Variants in CD81 observed in about 807,000 individuals in gnomAD.
The protein encoded by CD81 is CD81 antigen.
In CD81, 10 loss-of-function variants were observed where a neutral mutation model predicts 30.1. The ratio of observed to expected loss-of-function variants is 0.33; its 90% CI spans 0.21 to 0.56. The LOEUF (loss-of-function observed/expected upper bound fraction) is 0.56. Among genes scored for constraint, CD81 ranks in the 20% least tolerant of loss-of-function variants. The pLI, the probability that CD81 is intolerant of heterozygous loss-of-function variation, is 0.89. For synonymous variants in CD81, 147 were observed against 126.4 expected (o/e 1.16, Z -1.10); for missense variants, 263 against 308.7 (o/e 0.85, Z 1.11).
chr11:2,395,075 G>A (rs776789802), intron 4 of CD81, 29 bp downstream of exon 4: 1 of 1,595,004 alleles, frequency 6.3e-7, no homozygotes, highest in East Asian at 2.2e-5. Flanking sequence ...GGACAGGGTG[G>A]GGTGGGTGAC....
At chr11:2,387,539 C>A (rs1401001911) in intron 1 of CD81, among the ~76,000 whole-genome samples, 1 of 152,072 alleles carries the variant, frequency 6.6e-6, no homozygotes, top group African/African-American at 2.4e-5. Flanking sequence ...TCTGGGGCCA[C>A]CCCCCAGCCC....
chr11:2,393,581 C>T (rs1312785140), intron 2 of CD81: 1 of 416,502 alleles, frequency 2.4e-6, no homozygotes, highest in Non-Finnish European at 4.4e-6. Flanking sequence ...GCCCCCCCAC[C>T]CTCTTCTCGC....
intron 1 of CD81, among the ~76,000 whole-genome samples, chr11:2,385,115 C>A (rs1259491074): frequency 6.6e-6 from 1 of 152,166 alleles, no homozygotes; most frequent in Non-Finnish European, 1.5e-5. Context: ...GCCAAGATGG[C>A]AGCCTGGGGT....
intron 5 of CD81, 107 bp from the exon 6 acceptor site, chr11:2,395,762 T>A: frequency 1.2e-6 from 1 of 828,542 alleles, no homozygotes. Context: ...GGATGCATTC[T>A]GCAGTGGGGA....
At chr11:2,381,091 G>T (rs1174405415) in intron 1 of CD81, among the ~76,000 whole-genome samples, 1 of 152,238 alleles carries the variant, frequency 6.6e-6, no homozygotes, top group Non-Finnish European at 1.5e-5. Context: ...CCTGTGCCTG[G>T]TTTCACCAAG....
chr11:2,396,224 C>T, intron 6 of CD81: 1 of 585,300 alleles, frequency 1.7e-6, no homozygotes, highest in Non-Finnish European at 3.1e-6. Flanking sequence ...ACCTGCACCC[C>T]CAGCTCCACG....
At chr11:2,389,659 G>C (rs573704017) in intron 1 of CD81, among the ~76,000 whole-genome samples, 1 of 152,252 alleles carries the variant, frequency 6.6e-6, no homozygotes, top group Non-Finnish European at 1.5e-5. Flanking sequence ...CGACAGCGCT[G>C]GGCCGGCTTC....
rs1268759524 is a variant in CD81 at position 2,377,606 on chromosome 11, C to T, written c.57C>T (p.Phe19=). 1 of 1,544,602 alleles carries T rather than the reference C, an allele frequency of 6.5e-7. No homozygotes were observed. The highest frequency in any genetic ancestry group is 8.7e-7 in the Non-Finnish European group (1 of 1,142,946). ...AGTACCTGCTCTTCGTCTTCAATTT[C>T]GTCTTCTGGGTAAGGGCTGCGCCGG... ...CIKYLLFVFN[F]VFWLAGGVIL... is the part of the protein sequence containing the mutation. Residue 19 remains phenylalanine, a synonymous_variant, in exon 1 of 8, where the codon TTC becomes TTT. Transcript: ENST00000263645. This position sits in a 1 kb window ranked among gnomAD's most constrained non-coding sequence, Gnocchi z 7.7.
intron 1 of CD81, among the ~76,000 whole-genome samples, chr11:2,389,463 G>A (rs577716146): frequency 3.5e-4 from 54 of 152,264 alleles, no homozygotes; most frequent in East Asian, 5.8e-4. Context: ...GCCTGGCCTG[G>A]TCAGATGATC....
chr11:2,395,336 T>A (rs1849976339), intron 4 of CD81, 80 bp from the exon 5 acceptor site: 1 of 1,121,904 alleles, frequency 8.9e-7, no homozygotes, highest in African/African-American at 1.6e-5. Flanking sequence ...CTGGGAAAAG[T>A]GCGTCCGCCT....
chr11:2,376,992 CCCGGCA>C (rs962374144), upstream of CD81: 1 of 152,392 alleles, frequency 6.6e-6, no homozygotes, highest in African/African-American at 2.4e-5. Context: ...GGGTTGTTCT[CCCGGCA>C]CCGGGGCTGC....
At chr11:2,380,093 C>T (rs1328755491) in intron 1 of CD81, among the ~76,000 whole-genome samples, 1 of 152,110 alleles carries the variant, frequency 6.6e-6, no homozygotes, top group Non-Finnish European at 1.5e-5. Context: ...TGACAGGGGG[C>T]TTGGTGCAGG....
Position 2,390,544 on chromosome 11 carries a change from C to G in CD81, c.181+18C>G, listed in dbSNP as rs748336401. 1.9e-6 allele frequency: 3 copies of G among 1,557,736 alleles called. No individual in the cohort carries two copies. The South Asian group carries it at 3.3e-5, about 17-fold the overall frequency. On this transcript the variant is annotated intron_variant, in intron 2 of 7. Coordinates refer to ENST00000263645, the MANE Select transcript of CD81 (RefSeq NM_004356.4). ...CTATGTAGGTGAGTGCACATGTGGC[C>G]GCAGACGCATTCAGGGAGGGCTTCT...
intron 1 of CD81, among the ~76,000 whole-genome samples, chr11:2,383,120 A>G (rs1282641941): frequency 6.6e-6 from 1 of 152,106 alleles, no homozygotes; most frequent in African/African-American, 2.4e-5. Context: ...CTCGCCTGAC[A>G]CCTATTTTTA....
At chr11:2,384,350 G>T (rs1470262188) in intron 1 of CD81, among the ~76,000 whole-genome samples, 1 of 137,926 alleles carries the variant, frequency 7.3e-6, no homozygotes, top group Admixed American at 7.2e-5. Context: ...CGTCTCGGGA[G>T]GTGGGGTGGC....
At chr11:2,387,292 G>A (rs1381774393) in intron 1 of CD81, among the ~76,000 whole-genome samples, 1 of 152,184 alleles carries the variant, frequency 6.6e-6, no homozygotes, top group African/African-American at 2.4e-5. Context: ...GCTGAGTCAG[G>A]GTTTGTCACC....
chr11:2,386,018 T>C, intron 1 of CD81: 4 of 715,810 alleles, frequency 5.6e-6, no homozygotes, highest in South Asian at 1.5e-5. Flanking sequence ...CTGGACCGTT[T>C]TACAGCCCCC....
rs1475533759 is a variant in CD81 at position 2,377,570 on chromosome 11, C to G, written c.21C>G (p.Thr7=). The G allele has an allele frequency of 6.6e-7, 1 of 1,519,266 alleles. No homozygotes were observed. The highest frequency in any genetic ancestry group is 1.9e-5 in the Admixed American group (1 of 51,846). 94.1% of individuals were successfully genotyped at this position (1,519,266 alleles called of 1,614,324 possible). MGVEGC[T]KCIKYLLFVF... Reference sequence around the variant, plus strand: ...CCGCCATGGGAGTGGAGGGCTGCACCAAGTGCATCAAGTACCTGCTCTTCG... The same window carrying G: ...CCGCCATGGGAGTGGAGGGCTGCACGAAGTGCATCAAGTACCTGCTCTTCG... The change falls in exon 1 of 8, where the codon ACC becomes ACG. Residue 7 remains threonine, a synonymous_variant. Transcript: ENST00000263645. This position sits in a 1 kb window ranked among gnomAD's most constrained non-coding sequence, Gnocchi z 7.7.
rs890259886 is a variant in CD81 at position 2,378,161 on chromosome 11, T to TC, written c.66+548dup. On this transcript the variant is annotated intron_variant, in intron 1 of 7. Coordinates refer to ENST00000263645, the MANE Select transcript of CD81 (RefSeq NM_004356.4). This position sits in a 1 kb window ranked among gnomAD's most constrained non-coding sequence, Gnocchi z 4.9. ...ACTCTTTCCCCAGCCCAGCTCACTC[T>TC]CCAATCTGCGGTCACCACCCGAGAC... 4.0e-5 allele frequency among the ~76,000 whole-genome samples: 6 copies of TC among 151,898 alleles called. No homozygotes were observed. The highest frequency in any genetic ancestry group is 1.5e-4 in the African/African-American group (6 of 41,358).
Sources: gnomAD v4.1 joint callset for allele counts (sites outside exome capture counted in the v4.1 genomes callset) on GRCh38, gnomAD v4.1.1 for gene constraint, Gnocchi (gnomAD v3.1) non-coding constraint, MANE v1.5 for transcripts, NCBI Gene and HGNC (gene_info 2026-07-23, HGNC 2026-07-21) for gene names.